Variants in KDM2A observed in about 807,000 individuals in gnomAD.
KDM2A encodes lysine-specific demethylase 2A.
KDM2A carries 3 observed loss-of-function variants against 137.3 expected under a neutral mutation model. The observed-to-expected ratio is 0.02, with a 90% CI of 0.01 to 0.06. The LOEUF (loss-of-function observed/expected upper bound fraction) is 0.06, where lower values mean the gene tolerates loss of function less well. Among genes scored for constraint, KDM2A ranks in the 10% least tolerant of loss-of-function variants. KDM2A has a pLI of 1.00. For missense variants in KDM2A, 738 were observed against 1,510.6 expected, an observed-to-expected ratio of 0.49 and a Z score of 8.48; for synonymous variants, 512 against 541.5, an observed-to-expected ratio of 0.95 and a Z score of 0.76.
intron 5 of KDM2A, among the ~76,000 whole-genome samples, chr11:67,188,622 C>G (rs1362566545): frequency 1.3e-5 from 2 of 151,674 alleles, no homozygotes; most frequent in Non-Finnish European, 2.9e-5. Context: ...GAGACCTCGT[C>G]TCTACCAAAA....
At chr11:67,169,733 T>C (rs1399403684) in intron 2 of KDM2A, among the ~76,000 whole-genome samples, 5 of 92,614 alleles carry the variant, frequency 5.4e-5, no homozygotes, top group African/African-American at 1.0e-4. Flanking sequence ...CTCTCTCTCC[T>C]TCTCTCTCTC....
Position 67,255,090 on chromosome 11 carries a change from C to G in KDM2A, c.*35C>G. The G allele has an allele frequency of 6.4e-7, 1 of 1,571,702 alleles. No homozygotes were observed. Among genetic ancestry groups the G allele is most frequent in the Non-Finnish European group, 8.6e-7 (1 of 1,156,426 alleles). On this transcript the variant is annotated 3_prime_UTR_variant, in exon 21 of 21. Transcript: ENST00000529006. ...AGCCCAGATTCAACAGGAAACCGAT[C>G]TTCCCCTGACTCCCCACCGAGGAGA...
At chr11:67,147,684 C>A (rs955165514) in intron 2 of KDM2A, among the ~76,000 whole-genome samples, 1 of 145,718 alleles carries the variant, frequency 6.9e-6, no homozygotes, top group Non-Finnish European at 1.5e-5. Flanking sequence ...ATTAGAGATT[C>A]TTTTTTTTTT....
At chr11:67,206,785 T>G (rs1857818185) in intron 5 of KDM2A, among the ~76,000 whole-genome samples, 1 of 152,246 alleles carries the variant, frequency 6.6e-6, no homozygotes, top group Non-Finnish European at 1.5e-5. Context: ...AAAGCTATTG[T>G]TTTCTCTCCA....
chr11:67,196,742 A>C (rs145392517), intron 5 of KDM2A: 154 of 292,016 alleles, frequency 5.3e-4, no homozygotes, highest in African/African-American at 3.1e-3. Context: ...TAAAACGGCC[A>C]TAGTTTCAGT....
At chr11:67,232,022 T>C (rs1858733443) in intron 12 of KDM2A, 62 bp downstream of exon 12, 2 of 1,489,470 alleles carry the variant, frequency 1.3e-6, no homozygotes, top group Admixed American at 4.3e-5. Flanking sequence ...GCTTCCAGAT[T>C]CAGAGGGAGA....
chr11:67,231,478 T>A, intron 11 of KDM2A, 88 bp from the exon 12 acceptor site: 1 of 1,221,528 alleles, frequency 8.2e-7, no homozygotes, highest in Non-Finnish European at 1.1e-6. Context: ...ATTTATAGCC[T>A]CAAGGCCCCT....
chr11:67,140,610 A>G (rs1294458360), intron 2 of KDM2A, among the ~76,000 whole-genome samples: 1 of 151,980 alleles, frequency 6.6e-6, no homozygotes, highest in African/African-American at 2.4e-5. Context: ...AAAATTAGCC[A>G]GGCGTTGTGG....
At chr11:67,224,353 C>CCAA (rs1180535444) in intron 10 of KDM2A, among the ~76,000 whole-genome samples, 6 of 152,030 alleles carry the variant, frequency 3.9e-5, no homozygotes, top group Non-Finnish European at 8.8e-5. Context: ...GCCTATAATC[C>CCAA]CAAGTACTTT....
chr11:67,231,680 T>A lies in KDM2A; in HGVS notation c.1199T>A (p.Val400Asp), dbSNP rs1476045291. Residue 400 changes from valine (V) to aspartate (D), a missense_variant, in exon 12 of 21, where the codon GTC becomes GAC. By Grantham distance (152) the Val-to-Asp change is radical. Around this residue, in one of 9 missense-constraint regions of KDM2A, gnomAD observed 113 missense variants for 133.5 expected, o/e 0.85. Coordinates refer to ENST00000529006, the MANE Select transcript of KDM2A (RefSeq NM_012308.3). Reference protein sequence around the residue: ...SVLTSPVANGVNLDYDGLGKT... With the variant: ...SVLTSPVANGDNLDYDGLGKT... ...CTCACTAGCCCTGTAGCGAATGGAGTCAACCTGGATTATGATGGACTGGGC... is the reference window on the plus strand; with the variant it reads ...CTCACTAGCCCTGTAGCGAATGGAGACAACCTGGATTATGATGGACTGGGC... The A allele has an allele frequency of 6.2e-7, 1 of 1,613,416 alleles. No individual in the cohort carries two copies. The highest frequency in any genetic ancestry group is 8.5e-7 in the Non-Finnish European group (1 of 1,179,806).
At chr11:67,172,936 A>G (rs555041077) in intron 2 of KDM2A, among the ~76,000 whole-genome samples, 1 of 152,262 alleles carries the variant, frequency 6.6e-6, no homozygotes, top group East Asian at 1.9e-4. Flanking sequence ...ATCTCAAAAA[A>G]GAAAAGAAAA....
In KDM2A at chr11:67,181,264, C is replaced by T. The variant is rs72928928; in HGVS notation, c.182-56C>T. 1,253 of 1,159,824 alleles carry T rather than the reference C, an allele frequency of 1.1e-3. 3 individuals are homozygous for T. The highest frequency in any genetic ancestry group is 1.4e-3 in the Non-Finnish European group (1,112 of 789,824). The allele number at this position is 1,159,824 out of a possible 1,614,324, so 71.8% of individuals were successfully genotyped here. On this transcript the variant is annotated intron_variant, in intron 3 of 20. Transcript: ENST00000529006. Reference sequence around the variant, plus strand: ...ATTACTTAGGATCCTTTTTATGGTCCTTTTATCGTTTTTAATTATACCACT... The same window carrying T: ...ATTACTTAGGATCCTTTTTATGGTCTTTTTATCGTTTTTAATTATACCACT...
At chr11:67,125,955 A>G (rs1003184194) in intron 2 of KDM2A, among the ~76,000 whole-genome samples, 1 of 150,122 alleles carries the variant, frequency 6.7e-6, no homozygotes, top group East Asian at 2.0e-4. Flanking sequence ...AAAAAAAAAA[A>G]AAAAAAAAGG....
chr11:67,201,772 C>CAAAAAAAAAAAAAAAAAAAA (rs71056184), intron 5 of KDM2A, among the ~76,000 whole-genome samples: 2 of 37,812 alleles, frequency 5.3e-5, no homozygotes, highest in African/African-American at 2.4e-4. Flanking sequence ...GACTCCATCT[C>CAAAAAAAAAAAAAAAAAAAA]AAAAAAAAAA....
chr11:67,219,359 A>G lies in KDM2A; in HGVS notation c.913A>G (p.Ile305Val). The part of the protein sequence containing the change: ...FGGNFLHSFN[I>V]PMQLKIYNIE... Reference sequence around the variant, plus strand: ...GGGCAATTTTTTGCATAGCTTCAACATCCCTATGCAGTTAAAAATATACAA... The same window carrying G: ...GGGCAATTTTTTGCATAGCTTCAACGTCCCTATGCAGTTAAAAATATACAA... The change falls in exon 10 of 21, where the codon ATC (isoleucine) becomes GTC (valine). Residue 305 changes from isoleucine to valine, a missense_variant. Ile to Val is a conservative substitution (Grantham distance 29). This residue lies in a region of KDM2A where 43 missense variants were observed against 254.6 expected (regional missense o/e 0.17). Coordinates refer to ENST00000529006, the MANE Select transcript of KDM2A (RefSeq NM_012308.3). 1 of 1,609,676 alleles carries G rather than the reference A, an allele frequency of 6.2e-7. No homozygotes were observed. The highest frequency in any genetic ancestry group is 8.5e-7 in the Non-Finnish European group (1 of 1,177,838).
intron 2 of KDM2A, among the ~76,000 whole-genome samples, chr11:67,123,075 A>G (rs886300521): frequency 3.3e-5 from 5 of 151,552 alleles, no homozygotes; most frequent in African/African-American, 1.2e-4. Context: ...GGCTCAAGCA[A>G]TCTTCCATTC....
chr11:67,130,822 A>C (rs1369067521), intron 2 of KDM2A, among the ~76,000 whole-genome samples: 1 of 152,052 alleles, frequency 6.6e-6, no homozygotes, highest in Non-Finnish European at 1.5e-5. Flanking sequence ...TTTAATTCTC[A>C]AAACAACCCT....
At chr11:67,246,201 C>T in intron 15 of KDM2A, 85 bp downstream of exon 15, 1 of 1,453,940 alleles carries the variant, frequency 6.9e-7, no homozygotes, top group Non-Finnish European at 9.5e-7. Context: ...ATGGGAGTGC[C>T]AGCATCCCTA....
chr11:67,248,149 G>A, intron 15 of KDM2A, 132 bp from the exon 16 acceptor site: 1 of 671,874 alleles, frequency 1.5e-6, no homozygotes, highest in South Asian at 1.8e-5. Context: ...ATTTGGGGCT[G>A]GATTGCTCAC....
Sources: gnomAD v4.1 joint callset for allele counts (sites outside exome capture counted in the v4.1 genomes callset) on GRCh38, gnomAD v4.1.1 for gene constraint, gnomAD v4.1.1 regional missense constraint, MANE v1.5 for transcripts, NCBI Gene and HGNC (gene_info 2026-07-23, HGNC 2026-07-21) for gene names.